CACNA1C: variants seen among roughly 807,000 people sequenced by gnomAD.
The protein encoded by CACNA1C is calcium voltage-gated channel subunit alpha1 C, also known as voltage-dependent L-type calcium channel subunit alpha-1C.
CACNA1C carries 30 observed loss-of-function variants against 229.0 expected under a neutral mutation model. The observed-to-expected ratio is 0.13, with a 90% CI of 0.10 to 0.18. The LOEUF (loss-of-function observed/expected upper bound fraction) is 0.18. Among genes scored for constraint, CACNA1C ranks in the 10% least tolerant of loss-of-function variants. The pLI is 1.00. For missense variants in CACNA1C, 1,658 were observed against 2,845.0 expected (o/e 0.58, Z 9.49); for synonymous variants, 1,114 against 1,132.5 (o/e 0.98, Z 0.33).
intron 1 of CACNA1C, chr12:1,991,001 C>CA (rs995752479): frequency 5.9e-6 from 2 of 339,670 alleles, no homozygotes; most frequent in Non-Finnish European, 5.7e-6. Context: ...AAAAAAAAGG[C>CA]AAAATGAATC....
chr12:2,687,719 A>G (rs3794285), intron 45 of CACNA1C, among the ~76,000 whole-genome samples: 7,289 of 152,126 alleles, frequency 0.048, 295 homozygotes, highest in East Asian at 0.15. Flanking sequence ...TTGCATTTGT[A>G]GTAGAGACTG....
At position 2,651,798 on chromosome 12, in the gene CACNA1C, GGA is replaced by G; in HGVS notation, c.4074+31_4074+32del. The G allele has an allele frequency of 6.5e-7, 1 of 1,538,134 alleles. No homozygotes were observed. Among genetic ancestry groups the G allele is most frequent in the Non-Finnish European group, 8.8e-7 (1 of 1,141,566 alleles). On this transcript the variant is annotated intron_variant, in intron 32 of 46. Transcript: ENST00000399655. The surrounding 1 kb of genome is among the most constrained non-coding windows in gnomAD (Gnocchi z 5.4). ...CCGCCCCTCATGTCCTGCGGCCCGG[GGA>G]ATCGCAGGGCTGCCGCGTGGCCCAG... is the stretch of plus-strand genomic sequence containing the variant.
intron 3 of CACNA1C, among the ~76,000 whole-genome samples, chr12:2,136,074 G>T (rs953186813): frequency 6.6e-6 from 1 of 151,094 alleles, no homozygotes; most frequent in African/African-American, 2.4e-5. Context: ...AATTTTCCAG[G>T]TGCGTCCGTC....
chr12:2,223,739 T>C (rs545162955), intron 3 of CACNA1C, among the ~76,000 whole-genome samples: 1 of 152,336 alleles, frequency 6.6e-6, no homozygotes, highest in Non-Finnish European at 1.5e-5. Flanking sequence ...TTGAATTCAA[T>C]TGTACCCTAC....
intron 5 of CACNA1C, among the ~76,000 whole-genome samples, chr12:2,480,410 C>G (rs1212907119): frequency 6.6e-6 from 1 of 152,226 alleles, no homozygotes; most frequent in Non-Finnish European, 1.5e-5. Context: ...TATTCTGCTT[C>G]TTTAAGGCTC....
chr12:1,996,337 C>G (rs2040783521), intron 1 of CACNA1C, among the ~76,000 whole-genome samples: 1 of 152,068 alleles, frequency 6.6e-6, no homozygotes, highest in African/African-American at 2.4e-5. Flanking sequence ...TTTACACTTG[C>G]TAACTACTAT....
intron 5 of CACNA1C, among the ~76,000 whole-genome samples, chr12:2,476,483 T>C (rs902290335): frequency 1.3e-5 from 2 of 152,232 alleles, no homozygotes; most frequent in African/African-American, 4.8e-5. Flanking sequence ...GTAAAGCACT[T>C]ATGTGGTACC....
chr12:2,497,288 C>T (rs746135592), intron 7 of CACNA1C, among the ~76,000 whole-genome samples: 1 of 152,174 alleles, frequency 6.6e-6, no homozygotes, highest in Non-Finnish European at 1.5e-5. Context: ...CAGAAATATC[C>T]ATCAATTAAA....
rs114425117 is a variant in CACNA1C, at chr12:2,493,780, A to T, written c.1113+394A>T. 5.3e-4 allele frequency among the ~76,000 whole-genome samples: 80 copies of T among 152,354 alleles called. No individual in the cohort carries two copies. The highest frequency in any genetic ancestry group is 1.8e-3 in the African/African-American group (76 of 41,586). ...CAAAAGGGAGCTAGAAGGCAGAATTATGTATTCTTAGGGCAGAAGAGAAGA... is the reference window on the plus strand; with the variant it reads ...CAAAAGGGAGCTAGAAGGCAGAATTTTGTATTCTTAGGGCAGAAGAGAAGA... On this transcript the variant is annotated intron_variant, in intron 7 of 46. Transcript: ENST00000399655. This position sits in a 1 kb window ranked among gnomAD's most constrained non-coding sequence, Gnocchi z 4.6.
At position 2,633,483 on chromosome 12, in the gene CACNA1C, TG is replaced by T; in HGVS notation, c.3829-811del. 1 of 666,068 alleles carries T rather than the reference TG, an allele frequency of 1.5e-6. No homozygotes were observed. 41.3% of individuals were successfully genotyped at this position (666,068 alleles called of 1,614,324 possible). ...GCTGCTCCTTCCTTGCTGGTGCTCC[TG>T]GGCTCCTGGCCATGGTGAGGGCGTC... On this transcript the variant is annotated intron_variant, in intron 29 of 46. Coordinates refer to ENST00000399655, the MANE Select transcript of CACNA1C (RefSeq NM_000719.7). The surrounding 1 kb of genome is among the most constrained non-coding windows in gnomAD (Gnocchi z 5.8).
intron 3 of CACNA1C, among the ~76,000 whole-genome samples, chr12:2,241,660 C>T (rs971219682): frequency 2.0e-5 from 3 of 152,172 alleles, no homozygotes; most frequent in African/African-American, 7.2e-5. Flanking sequence ...CCTTGACTAT[C>T]CCCTCTCCCT....
chr12:2,653,733 A>G lies in CACNA1C; in HGVS notation c.4075-102A>G, dbSNP rs528636621. 35 of 991,566 alleles carry G rather than the reference A, an allele frequency of 3.5e-5. No individual in the cohort carries two copies. The Admixed American group carries it at 4.9e-4, about 14-fold the overall frequency. The allele number at this position is 991,566 out of a possible 1,614,324, so 61.4% of individuals were successfully genotyped here. A position where few individuals can be genotyped will look rare whatever the true frequency, so the allele number is the denominator to read the frequency against. The stretch of plus-strand genomic sequence containing the variant: ...AGTGTCCCCCGGCCCAAACCGGGCA[A>G]TAGCTGATGGCTGCAGAGACAGGGA... On this transcript the variant is annotated intron_variant, in intron 32 of 46. Coordinates refer to ENST00000399655, the MANE Select transcript of CACNA1C (RefSeq NM_000719.7). This position sits in a 1 kb window ranked among gnomAD's most constrained non-coding sequence, Gnocchi z 4.7.
chr12:2,500,338 T>C (rs1000235753), intron 7 of CACNA1C, among the ~76,000 whole-genome samples: 2 of 152,058 alleles, frequency 1.3e-5, no homozygotes, highest in African/African-American at 2.4e-5. Flanking sequence ...TCACCTTGTG[T>C]GTGGCGCAGA....
chr12:2,489,919 C>G (rs184456934), intron 6 of CACNA1C, among the ~76,000 whole-genome samples: 53 of 152,338 alleles, frequency 3.5e-4, no homozygotes, highest in African/African-American at 1.2e-3. Context: ...CTTTCCTCCC[C>G]AGGACTTCAT....
At chr12:2,426,187 A>G (rs189856708) in intron 3 of CACNA1C, among the ~76,000 whole-genome samples, 2 of 152,286 alleles carry the variant, frequency 1.3e-5, no homozygotes, top group Admixed American at 1.3e-4. Context: ...ACATACGCCC[A>G]CCCTGTGCAA....
rs1240189936 is a variant in CACNA1C at position 2,654,541 on chromosome 12, C to T, written c.4141-606C>T. Among the ~76,000 whole-genome samples, 2 of 152,216 alleles carry T rather than the reference C, an allele frequency of 1.3e-5. No individual in the cohort carries two copies. The highest frequency in any genetic ancestry group is 1.3e-4 in the Admixed American group (2 of 15,284). ...GCAGGGCGCCCACACTAGCCCAAAG[C>T]GCTTCCTCGGCCGCTCCTTCAGGAA... On this transcript the variant is annotated intron_variant, in intron 33 of 46. Coordinates refer to ENST00000399655, the MANE Select transcript of CACNA1C (RefSeq NM_000719.7). The surrounding 1 kb of genome is among the most constrained non-coding windows in gnomAD (Gnocchi z 4.4).
intron 3 of CACNA1C, among the ~76,000 whole-genome samples, chr12:2,414,767 C>T (rs2098846550): frequency 6.6e-6 from 1 of 152,098 alleles, no homozygotes; most frequent in African/African-American, 2.4e-5. Context: ...GTTTTTTGTA[C>T]CCCTTACTGA....
chr12:2,192,388 C>CTCAG (rs1310121492), intron 3 of CACNA1C, among the ~76,000 whole-genome samples: 4 of 152,160 alleles, frequency 2.6e-5, no homozygotes, highest in African/African-American at 7.2e-5. Context: ...CACCCCTGAG[C>CTCAG]TCAGCTCCAA....
At chr12:2,384,408 T>G (rs1010246375) in intron 3 of CACNA1C, among the ~76,000 whole-genome samples, 1 of 152,162 alleles carries the variant, frequency 6.6e-6, no homozygotes, top group African/African-American at 2.4e-5. Flanking sequence ...GGTCGTGGAT[T>G]CGGAACTGAG....
Sources: gnomAD v4.1 joint callset for allele counts (sites outside exome capture counted in the v4.1 genomes callset) on GRCh38, gnomAD v4.1.1 for gene constraint, Gnocchi (gnomAD v3.1) non-coding constraint, MANE v1.5 for transcripts, NCBI Gene and HGNC (gene_info 2026-07-23, HGNC 2026-07-21) for gene names.